Variants in COL10A1 observed in about 807,000 individuals in gnomAD.
The protein encoded by COL10A1 is collagen alpha-1(X) chain.
In COL10A1, 10 loss-of-function variants were observed where a neutral mutation model predicts 18.2. The observed-to-expected ratio is 0.55, with a 90% CI of 0.34 to 0.93. The LOEUF (loss-of-function observed/expected upper bound fraction) is 0.93. COL10A1 is among the 40% of genes least tolerant of loss of function. The probability of loss-of-function intolerance (pLI) is 0.02; values close to 1 mark genes in which losing one functional copy is unlikely to be tolerated. For missense variants in COL10A1, 897 were observed against 853.5 expected (o/e 1.05, Z -0.64); for synonymous variants, 330 against 316.6 (o/e 1.04, Z -0.45).
At chr6:116,136,049 C>T (rs1187353957) in intron 1 of COL10A1, among the ~76,000 whole-genome samples, 3 of 151,984 alleles carry the variant, frequency 2.0e-5, no homozygotes, top group African/African-American at 2.4e-5. Context: ...ATTCATCCTA[C>T]GTAACTGAAA....
chr6:116,120,001 G>A lies in COL10A1; in HGVS notation c.*72C>T. The stretch of plus-strand genomic sequence containing the variant: ...CATTCTTTTCAGCCTACCTCCATAT[G>A]CATTTTGTAGGGTGGGGTAGAGTTA... On this transcript the variant is annotated 3_prime_UTR_variant, in exon 3 of 3. Transcript: ENST00000651968. 1 of 1,258,706 alleles carries A rather than the reference G, an allele frequency of 7.9e-7. No homozygotes were observed. The highest frequency in any genetic ancestry group is 1.2e-6 in the Non-Finnish European group (1 of 859,016). The allele number at this position is 1,258,706 out of a possible 1,614,324, so 78.0% of individuals were successfully genotyped here. A position where few individuals can be genotyped will look rare whatever the true frequency, so the allele number is the denominator to read the frequency against.
At chr6:116,132,362 C>T (rs1351894387) in intron 1 of COL10A1, among the ~76,000 whole-genome samples, 1 of 152,084 alleles carries the variant, frequency 6.6e-6, no homozygotes, top group Non-Finnish European at 1.5e-5. Flanking sequence ...TAGCTTAGAC[C>T]ATTTCTCTAG....
the COL10A1 span, among the ~76,000 whole-genome samples, chr6:116,210,799 A>G: frequency 6.6e-6 from 1 of 152,110 alleles, no homozygotes; most frequent in Non-Finnish European, 1.5e-5. Context: ...GAACAGAAAC[A>G]CAGGTAAAAA....
At chr6:116,176,216 T>G in the COL10A1 span, among the ~76,000 whole-genome samples, 1 of 152,212 alleles carries the variant, frequency 6.6e-6, no homozygotes, top group Non-Finnish European at 1.5e-5. Context: ...GATGCTGTGC[T>G]GGCTAAGTTT....
chr6:116,145,288 T>C, intron 1 of COL10A1: 1 of 205,314 alleles, frequency 4.9e-6, no homozygotes, highest in Non-Finnish European at 1.1e-5. Context: ...TGGGCAACAG[T>C]GTTTCCCTTA....
chr6:116,147,030 CAGAA>C (rs771497335), intron 1 of COL10A1, among the ~76,000 whole-genome samples: 72 of 149,450 alleles, frequency 4.8e-4, no homozygotes, highest in Non-Finnish European at 9.2e-4. Flanking sequence ...ATCATGTAGT[CAGAA>C]AGCCTTTGAA....
intron 1 of COL10A1, among the ~76,000 whole-genome samples, chr6:116,141,194 T>A (rs1216542829): frequency 2.6e-5 from 4 of 152,150 alleles, no homozygotes; most frequent in African/African-American, 9.7e-5. Context: ...TATTTTTATA[T>A]GTTGATTGGC....
chr6:116,128,449 CAG>C (rs1052296425), upstream of COL10A1, among the ~76,000 whole-genome samples: 2 of 151,972 alleles, frequency 1.3e-5, no homozygotes, highest in African/African-American at 4.8e-5. Flanking sequence ...CCACTCAAAA[CAG>C]AGAGCCATAC....
the COL10A1 span, among the ~76,000 whole-genome samples, chr6:116,192,321 A>G: frequency 1.4e-4 from 22 of 152,160 alleles, no homozygotes; most frequent in East Asian, 4.3e-3. Flanking sequence ...ATATCAGCAG[A>G]TAATATTAAT....
chr6:116,178,499 A>G, the COL10A1 span, among the ~76,000 whole-genome samples: 2 of 152,232 alleles, frequency 1.3e-5, no homozygotes, highest in East Asian at 1.9e-4. Context: ...GATTACTGCA[A>G]TGAAGCAGAA....
rs1779046642 is a variant in COL10A1, at chr6:116,119,688, A to C, written c.*385T>G. 5.5e-6 allele frequency: 1 copy of C among 180,438 alleles called. No individual in the cohort carries two copies. Among genetic ancestry groups the C allele is most frequent in the Non-Finnish European group, 1.2e-5 (1 of 86,124 alleles). The allele number at this position is 180,438 out of a possible 1,614,324, so 11.2% of individuals were successfully genotyped here. A position where few individuals can be genotyped will look rare whatever the true frequency, so the allele number is the denominator to read the frequency against. ...CATAGTTAGAAACAGGCTTTTTTAA[A>C]AAGGAAATGCCGAGTTTCTCAAATC... On this transcript the variant is annotated 3_prime_UTR_variant, in exon 3 of 3. Coordinates refer to ENST00000651968, the MANE Select transcript of COL10A1 (RefSeq NM_000493.4).
intron 1 of COL10A1, among the ~76,000 whole-genome samples, chr6:116,136,717 A>T (rs1307254585): frequency 6.6e-6 from 1 of 152,226 alleles, no homozygotes; most frequent in African/African-American, 2.4e-5. Flanking sequence ...TGCTGTTATC[A>T]TGAGTTTGGA....
chr6:116,163,663 G>A (rs1780398324), upstream of COL10A1, among the ~76,000 whole-genome samples: 1 of 151,762 alleles, frequency 6.6e-6, no homozygotes, highest in Admixed American at 6.6e-5. Context: ...GCTAGTTTTG[G>A]GTTTGGTTCG....
the COL10A1 span, among the ~76,000 whole-genome samples, chr6:116,167,206 A>ATTTTTT: frequency 3.2e-4 from 28 of 87,814 alleles, no homozygotes; most frequent in African/African-American, 1.3e-3. Context: ...CAAATAGAAG[A>ATTTTTT]TTTTTTTTTT....
chr6:116,127,823 C>T (rs1336639286), upstream of COL10A1, among the ~76,000 whole-genome samples: 1 of 152,124 alleles, frequency 6.6e-6, no homozygotes, highest in Admixed American at 6.5e-5. Context: ...GTTCAGAAGA[C>T]TAATTCTCAG....
At chr6:116,166,420 A>G in the COL10A1 span, among the ~76,000 whole-genome samples, 2 of 152,194 alleles carry the variant, frequency 1.3e-5, no homozygotes, top group African/African-American at 2.4e-5. Context: ...GGATCAACCA[A>G]TCTTCAACAA....
chr6:116,205,244 G>A, the COL10A1 span, among the ~76,000 whole-genome samples: 1 of 151,874 alleles, frequency 6.6e-6, no homozygotes, highest in African/African-American at 2.4e-5. Context: ...AACAAAATAA[G>A]CTGGGCTGGA....
the COL10A1 span, among the ~76,000 whole-genome samples, chr6:116,164,849 C>A: frequency 1.3e-5 from 2 of 151,812 alleles, no homozygotes; most frequent in African/African-American, 4.8e-5. Context: ...TTTGGGAGGC[C>A]GAGGCAGGCA....
At chr6:116,176,517 A>G in the COL10A1 span, among the ~76,000 whole-genome samples, 6 of 152,320 alleles carry the variant, frequency 3.9e-5, no homozygotes, top group East Asian at 3.9e-4. Context: ...CATTAGCAGA[A>G]GTTTTCTGCC....
Sources: gnomAD v4.1 joint callset for allele counts (sites outside exome capture counted in the v4.1 genomes callset) on GRCh38, gnomAD v4.1.1 for gene constraint, MANE v1.5 for transcripts, NCBI Gene and HGNC (gene_info 2026-07-23, HGNC 2026-07-21) for gene names.